Variants in LCLAT1 observed in about 807,000 individuals in gnomAD.
LCLAT1 encodes the protein 1-AGP acyltransferase 8.
LCLAT1 carries 11 observed loss-of-function variants against 30.7 expected under a neutral mutation model. That is an observed-to-expected ratio of 0.36 (90% CI 0.23 to 0.59). LCLAT1 has a LOEUF of 0.59. Ranked by LOEUF, LCLAT1 falls within the 20% of genes least tolerant of loss-of-function variation. The pLI is 0.77. For missense variants in LCLAT1, 402 were observed against 458.6 expected (o/e 0.88, Z 1.13); for synonymous variants, 155 against 151.3 (o/e 1.02, Z -0.18).
At chr2:30,507,316 A>G (rs991666981) in intron 1 of LCLAT1, among the ~76,000 whole-genome samples, 20 of 152,172 alleles carry the variant, frequency 1.3e-4, no homozygotes, top group African/African-American at 4.6e-4. Context: ...ATGTCTTTTC[A>G]AATTTTTTAT....
chr2:30,607,902 T>C (rs1466442679), intron 5 of LCLAT1: 1 of 154,428 alleles, frequency 6.5e-6, no homozygotes, highest in East Asian at 1.9e-4. Context: ...TGTGTGTGTC[T>C]TAATTTTTAA....
At chr2:30,596,476 T>G (rs960863404) in intron 5 of LCLAT1, among the ~76,000 whole-genome samples, 11 of 152,102 alleles carry the variant, frequency 7.2e-5, no homozygotes, top group Non-Finnish European at 1.3e-4. Flanking sequence ...CTTGCCCACT[T>G]TTTTAATGGG....
intron 1 of LCLAT1, among the ~76,000 whole-genome samples, chr2:30,522,864 G>C (rs1244139459): frequency 6.6e-6 from 1 of 152,200 alleles, no homozygotes; most frequent in Non-Finnish European, 1.5e-5. Flanking sequence ...AAGCAGAAAA[G>C]ATTTGATGCT....
At chr2:30,584,460 A>C (rs1666341695) in intron 5 of LCLAT1, among the ~76,000 whole-genome samples, 1 of 152,194 alleles carries the variant, frequency 6.6e-6, no homozygotes, top group Non-Finnish European at 1.5e-5. Context: ...TCAAGATATA[A>C]TGTGTATGGT....
At position 30,551,620 on chromosome 2, in the gene LCLAT1, A is replaced by G. The variant is rs528757576; in HGVS notation, c.365-10526A>G. ...GTTTTAGAGGTTTGATGTGGGTTCT[A>G]CTGGGCTGAAATCAAGGCATTGGCA... On this transcript the variant is annotated intron_variant, in intron 3 of 5. Transcript: ENST00000379509. 9.8e-5 allele frequency among the ~76,000 whole-genome samples: 15 copies of G among 152,314 alleles called. No individual in the cohort carries two copies. The South Asian group carries it at 1.2e-3, about 13-fold the overall frequency.
chr2:30,536,287 G>T (rs1686237083), intron 3 of LCLAT1, among the ~76,000 whole-genome samples: 1 of 152,182 alleles, frequency 6.6e-6, no homozygotes, highest in Admixed American at 6.5e-5. Context: ...GATACAGGAA[G>T]CCCAATGATC....
At chr2:30,618,626 T>C (rs1007373253) in intron 5 of LCLAT1, among the ~76,000 whole-genome samples, 5 of 152,074 alleles carry the variant, frequency 3.3e-5, no homozygotes, top group Admixed American at 6.5e-5. Context: ...AATAACTGGG[T>C]GATGAAATAA....
chr2:30,605,057 T>TA (rs1320790546), intron 5 of LCLAT1, among the ~76,000 whole-genome samples: 1 of 152,238 alleles, frequency 6.6e-6, no homozygotes, highest in Non-Finnish European at 1.5e-5. Context: ...GTCATTCTGA[T>TA]AAAACCATTG....
chr2:30,513,360 C>T (rs1464175620), intron 1 of LCLAT1, among the ~76,000 whole-genome samples: 1 of 151,534 alleles, frequency 6.6e-6, no homozygotes, highest in Admixed American at 6.6e-5. Flanking sequence ...TTTCATTTTC[C>T]TGCATTTTTG....
At chr2:30,525,871 C>T (rs2148384815) in intron 2 of LCLAT1, 116 bp downstream of exon 2, 2 of 790,454 alleles carry the variant, frequency 2.5e-6, no homozygotes, top group East Asian at 2.5e-5. Flanking sequence ...ATCCTAGGCA[C>T]ATCCTTCTGT....
At chr2:30,501,564 A>G (rs1458382111) in intron 1 of LCLAT1, among the ~76,000 whole-genome samples, 7 of 152,066 alleles carry the variant, frequency 4.6e-5, no homozygotes, top group African/African-American at 9.7e-5. Context: ...GGTCCCAGCT[A>G]TTTGGGAGGC....
chr2:30,623,715 T>A (rs1306992306), intron 5 of LCLAT1, among the ~76,000 whole-genome samples: 1 of 152,196 alleles, frequency 6.6e-6, no homozygotes, highest in East Asian at 1.9e-4. Flanking sequence ...AAAACTTCCC[T>A]GGCCTTGCTA....
chr2:30,490,575 A>G (rs570503685), intron 1 of LCLAT1, among the ~76,000 whole-genome samples: 3 of 152,324 alleles, frequency 2.0e-5, no homozygotes, highest in African/African-American at 7.2e-5. Flanking sequence ...AACTCTTACA[A>G]TACACTAAAT....
chr2:30,509,844 A>G (rs1250068272), intron 1 of LCLAT1, among the ~76,000 whole-genome samples: 1 of 152,160 alleles, frequency 6.6e-6, no homozygotes, highest in East Asian at 1.9e-4. Flanking sequence ...GATTCCAGGC[A>G]TAAGCCACGA....
rs888404508 is a variant in LCLAT1, at chr2:30,466,867, A to G, written c.-5+19484A>G. 8.5e-5 allele frequency among the ~76,000 whole-genome samples: 13 copies of G among 152,290 alleles called. No individual in the cohort carries two copies. The East Asian group carries it at 1.9e-3, about 23-fold the overall frequency. On this transcript the variant is annotated intron_variant, in intron 1 of 5. Coordinates refer to ENST00000379509, the MANE Select transcript of LCLAT1 (RefSeq NM_001002257.3). ...GAAGGCTTAAGAATTTCAAATCTTT[A>G]GGGTTGTTTGTTTTGAATTACTCTT...
intron 1 of LCLAT1, among the ~76,000 whole-genome samples, chr2:30,486,667 T>G (rs1683571720): frequency 6.6e-6 from 1 of 152,220 alleles, no homozygotes; most frequent in Admixed American, 6.5e-5. Context: ...AACCTGGAGC[T>G]AGCTAGCTCT....
chr2:30,599,151 T>G (rs1164622372), intron 5 of LCLAT1, among the ~76,000 whole-genome samples: 1 of 151,992 alleles, frequency 6.6e-6, no homozygotes, highest in Non-Finnish European at 1.5e-5. Flanking sequence ...CAGGCTAATT[T>G]TTGTATTTTT....
chr2:30,609,533 A>G (rs1484983275), intron 5 of LCLAT1, among the ~76,000 whole-genome samples: 2 of 152,156 alleles, frequency 1.3e-5, no homozygotes, highest in African/African-American at 4.8e-5. Context: ...TTTGAACTCT[A>G]TTCTGATACT....
rs115792664 is a variant in LCLAT1, at chr2:30,535,261, T to A, written c.364+1947T>A. On this transcript the variant is annotated intron_variant, in intron 3 of 5. Coordinates refer to ENST00000379509, the MANE Select transcript of LCLAT1 (RefSeq NM_001002257.3). ...AACAAATAATGCCATAAGTGTTCAA[T>A]TGATTTATGAAGAGAAATAAATTCC... Among the ~76,000 whole-genome samples the A allele has an allele frequency of 3.0e-4, 45 of 152,324 alleles. No homozygotes were observed. The East Asian group carries it at 7.9e-3, about 27-fold the overall frequency.
Sources: gnomAD v4.1 joint callset for allele counts (sites outside exome capture counted in the v4.1 genomes callset) on GRCh38, gnomAD v4.1.1 for gene constraint, MANE v1.5 for transcripts, NCBI Gene and HGNC (gene_info 2026-07-23, HGNC 2026-07-21) for gene names.